The following DOCK4 variants were observed in gnomAD, a reference collection of about 807,000 sequenced individuals.
DOCK4 encodes dedicator of cytokinesis 4.
A neutral mutation model predicts 268.1 loss-of-function variants in DOCK4; 97 were observed. The ratio of observed to expected loss-of-function variants is 0.36; its 90% CI spans 0.31 to 0.43. DOCK4 has a LOEUF of 0.43. Among genes scored for constraint, DOCK4 ranks in the 20% least tolerant of loss-of-function variants. DOCK4 has a pLI of 1.00. For synonymous variants in DOCK4, 954 were observed against 887.2 expected (o/e 1.08, Z -1.34); for missense variants, 2,145 against 2,455.7 (o/e 0.87, Z 2.67).
chr7:111,868,261 T>C, intron 21 of DOCK4, 107 bp from the exon 22 acceptor site: 1 of 845,722 alleles, frequency 1.2e-6, no homozygotes, highest in Non-Finnish European at 1.7e-6. Context: ...TTTACATTAT[T>C]CATGTAGACA....
intron 1 of DOCK4, among the ~76,000 whole-genome samples, chr7:112,203,321 C>T (rs971971254): frequency 6.6e-6 from 1 of 152,196 alleles, no homozygotes; most frequent in Non-Finnish European, 1.5e-5. Flanking sequence ...AATCAGAACA[C>T]TTATGACTGA....
intron 52 of DOCK4, among the ~76,000 whole-genome samples, chr7:111,731,095 C>T (rs999003826): frequency 1.3e-5 from 2 of 152,160 alleles, no homozygotes; most frequent in African/African-American, 4.8e-5. Context: ...CAGGCTATGA[C>T]TTCCAGAGTG....
At chr7:111,991,813 T>A (rs1205909631) in intron 5 of DOCK4, among the ~76,000 whole-genome samples, 2 of 151,624 alleles carry the variant, frequency 1.3e-5, no homozygotes, top group African/African-American at 2.4e-5. Flanking sequence ...TACAAAAAAA[T>A]TAGCCAGGCG....
intron 23 of DOCK4, among the ~76,000 whole-genome samples, chr7:111,859,001 G>A (rs1306256891): frequency 1.3e-5 from 2 of 152,134 alleles, no homozygotes; most frequent in East Asian, 3.9e-4. Context: ...TTCTTAAAAT[G>A]TGAGCCAACT....
At chr7:111,883,455 C>G (rs909269819) in intron 16 of DOCK4, among the ~76,000 whole-genome samples, 1 of 152,148 alleles carries the variant, frequency 6.6e-6, no homozygotes, top group Non-Finnish European at 1.5e-5. Flanking sequence ...GGATTTGGAG[C>G]CTGCCCTGGT....
At chr7:112,195,571 A>G (rs1820345886) in intron 1 of DOCK4, among the ~76,000 whole-genome samples, 1 of 151,838 alleles carries the variant, frequency 6.6e-6, no homozygotes, top group Admixed American at 6.6e-5. Flanking sequence ...TCTCCCCACA[A>G]AGTGAATAAT....
In DOCK4 at chr7:111,728,528, GCA is replaced by G; in HGVS notation, c.5672_5673del (p.Val1891AlafsTer69). 6.2e-7 allele frequency: 1 copy of G among 1,613,324 alleles called. No individual in the cohort carries two copies. On this transcript the variant is annotated frameshift_variant, in exon 53 of 53. Coordinates refer to ENST00000428084, the MANE Select transcript of DOCK4 (RefSeq NM_001363540.2). LOFTEE classifies it high-confidence loss of function. Reference protein sequence around the residue: ...QSAPLPVPVPVPVPSYGGEEP... With the variant: ...QSAPLPVPVPXPVPSYGGEEP... ...TCCTCCCCGCCGTAGCTCGGCACGGGCACCGGCACTGGCACCGGCAGGGGGGC... is the reference window on the plus strand; with the variant it reads ...TCCTCCCCGCCGTAGCTCGGCACGGGCCGGCACTGGCACCGGCAGGGGGGC...
At chr7:111,806,618 G>A (rs947292296) in intron 30 of DOCK4, among the ~76,000 whole-genome samples, 1 of 152,178 alleles carries the variant, frequency 6.6e-6, no homozygotes, top group African/African-American at 2.4e-5. Context: ...CTTTATGGCT[G>A]TAACAACAAA....
intron 1 of DOCK4, among the ~76,000 whole-genome samples, chr7:112,107,548 T>C (rs1378579440): frequency 6.6e-6 from 1 of 152,206 alleles, no homozygotes; most frequent in Non-Finnish European, 1.5e-5. Flanking sequence ...ATGTCTGTTG[T>C]TTAAGCCACC....
chr7:111,740,054 T>C (rs913864453), intron 47 of DOCK4: 4 of 394,680 alleles, frequency 1.0e-5, no homozygotes, highest in Non-Finnish European at 2.0e-5. Context: ...CTTTCTGATA[T>C]GTACATAAGT....
At chr7:112,196,221 C>T (rs1166559713) in intron 1 of DOCK4, among the ~76,000 whole-genome samples, 2 of 152,104 alleles carry the variant, frequency 1.3e-5, no homozygotes, top group Non-Finnish European at 2.9e-5. Context: ...GCGTTCAAGG[C>T]TAGTTGATGT....
At chr7:112,071,040 C>A (rs1231171867) in intron 1 of DOCK4, among the ~76,000 whole-genome samples, 1 of 152,174 alleles carries the variant, frequency 6.6e-6, no homozygotes, top group Non-Finnish European at 1.5e-5. Flanking sequence ...GTAAGTAAAG[C>A]AGTTGGCAGA....
chr7:111,976,458 C>T (rs909176694), intron 8 of DOCK4: 9 of 150,354 alleles, frequency 6.0e-5, no homozygotes, highest in Non-Finnish European at 8.9e-5. Context: ...ATTTGAAAGA[C>T]GGCAAGTTTT....
chr7:111,904,098 G>A (rs1276491149), intron 13 of DOCK4, among the ~76,000 whole-genome samples: 3 of 152,242 alleles, frequency 2.0e-5, no homozygotes, highest in African/African-American at 7.2e-5. Context: ...AAGGCAAGAG[G>A]TGATAAGGGA....
At chr7:111,840,758 C>T (rs1803618807) in intron 25 of DOCK4, 1 of 1,275,548 alleles carries the variant, frequency 7.8e-7, no homozygotes, top group Non-Finnish European at 1.0e-6. Context: ...TCTGCGTTTA[C>T]TCACAGTGTG....
intron 8 of DOCK4, among the ~76,000 whole-genome samples, chr7:111,951,631 G>T (rs1796053803): frequency 2.2e-5 from 3 of 134,138 alleles, no homozygotes. Context: ...CAACATATTG[G>T]AAACCCCATC....
intron 16 of DOCK4, among the ~76,000 whole-genome samples, chr7:111,892,651 T>C (rs1329654196): frequency 6.6e-6 from 1 of 152,244 alleles, no homozygotes. Context: ...TAATTTGAAA[T>C]ACACTTCTCT....
chr7:111,767,654 A>T (rs1301521798), intron 37 of DOCK4, among the ~76,000 whole-genome samples: 1 of 152,198 alleles, frequency 6.6e-6, no homozygotes, highest in Admixed American at 6.5e-5. Flanking sequence ...AATATATTGT[A>T]CATGAACTAT....
intron 10 of DOCK4, among the ~76,000 whole-genome samples, chr7:111,942,309 C>T (rs1271235048): frequency 6.6e-6 from 1 of 152,124 alleles, no homozygotes; most frequent in African/African-American, 2.4e-5. Context: ...GGTACTGTTG[C>T]TCCTGCTTTC....
Sources: gnomAD v4.1 joint callset for allele counts (sites outside exome capture counted in the v4.1 genomes callset) on GRCh38, gnomAD v4.1.1 for gene constraint, MANE v1.5 for transcripts, NCBI Gene and HGNC (gene_info 2026-07-23, HGNC 2026-07-21) for gene names.